Variants in FANCD2 observed in about 807,000 individuals in gnomAD.
FANCD2 encodes FA complementation group D2, also known as Fanconi anemia group D2 protein.
In FANCD2, 131 loss-of-function variants were observed where a neutral mutation model predicts 192.3. That is an observed-to-expected ratio of 0.68 (90% confidence interval 0.59 to 0.79). The LOEUF is 0.79. Ranked by LOEUF, FANCD2 falls within the 30% of genes least tolerant of loss-of-function variation. The pLI, the probability that FANCD2 is intolerant of heterozygous loss-of-function variation, is 0.00. For missense variants in FANCD2, 1,508 were observed against 1,701.6 expected (o/e 0.89, Z 2.00); for synonymous variants, 524 against 612.5 (o/e 0.86, Z 2.13).
intron 9 of FANCD2, chr3:10,040,856 T>G: frequency 4.5e-6 from 1 of 221,680 alleles, no homozygotes; most frequent in South Asian, 5.2e-5. Flanking sequence ...ACCTGCCTGA[T>G]GCCAGCTCAT....
chr3:10,079,801 G>A (rs1384254183), intron 30 of FANCD2, among the ~76,000 whole-genome samples: 5 of 152,332 alleles, frequency 3.3e-5, no homozygotes, highest in South Asian at 2.1e-4. Context: ...CCTAGCATCC[G>A]GGGAAGCAGT....
intron 9 of FANCD2, chr3:10,040,813 T>C (rs1292035836): frequency 3.1e-6 from 1 of 320,746 alleles, no homozygotes; most frequent in African/African-American, 2.2e-5. Flanking sequence ...GGCAGGATGC[T>C]CCTTCTGGGC....
chr3:10,072,419 C>T, intron 26 of FANCD2, among the ~76,000 whole-genome samples: 1 of 151,900 alleles, frequency 6.6e-6, no homozygotes, highest in East Asian at 1.9e-4. Flanking sequence ...GCTGGGATTA[C>T]AGGCGTCTGC....
intron 36 of FANCD2, among the ~76,000 whole-genome samples, chr3:10,089,886 C>T (rs1306192079): frequency 6.6e-6 from 1 of 152,180 alleles, no homozygotes; most frequent in Non-Finnish European, 1.5e-5. Context: ...TTATAAAGCA[C>T]TTTCACTTTA....
chr3:10,039,615 G>T (rs1273227537), intron 8 of FANCD2, 106 bp from the exon 9 acceptor site: 3 of 1,266,858 alleles, frequency 2.4e-6, no homozygotes, highest in East Asian at 2.3e-5. Context: ...AGAGATAAAT[G>T]ACTGTGTTTA....
chr3:10,044,059 C>T (rs2086935954), intron 14 of FANCD2, among the ~76,000 whole-genome samples, 195 bp downstream of exon 14: 1 of 152,194 alleles, frequency 6.6e-6, no homozygotes, highest in Non-Finnish European at 1.5e-5. Flanking sequence ...TGCCCCTACT[C>T]ACTCTGGCTA....
chr3:10,075,997 T>C lies in FANCD2; in HGVS notation c.2859+1324T>C, dbSNP rs190130571. On this transcript the variant is annotated intron_variant, in intron 29 of 43. Transcript: ENST00000675286. ...CCGCCCGCCTTGGCCTCCCAAAGTG[T>C]TGGGATTACAGGTGTGAGCCACTGC... 1.8e-3 allele frequency among the ~76,000 whole-genome samples: 274 copies of C among 151,976 alleles called. 1 individual carries two copies. The highest frequency in any genetic ancestry group is 3.1e-3 in the Non-Finnish European group (208 of 67,936).
intron 17 of FANCD2, among the ~76,000 whole-genome samples, chr3:10,051,363 A>C (rs2087201340): frequency 7.3e-6 from 1 of 136,964 alleles, no homozygotes; most frequent in Admixed American, 7.6e-5. Flanking sequence ...CCTGGGCGAC[A>C]GAGCGAGACT....
At chr3:10,034,324 C>CAAAAA (rs879221957) in intron 3 of FANCD2, 145 bp from the exon 4 acceptor site, 4,210 of 415,122 alleles carry the variant, frequency 0.01, 9 homozygotes, top group South Asian at 0.017. Context: ...AACTCCATCT[C>CAAAAA]AAAAAAAAAA....
intron 26 of FANCD2, 53 bp downstream of exon 26, chr3:10,067,370 A>T: frequency 9.2e-7 from 1 of 1,082,532 alleles, no homozygotes; most frequent in Non-Finnish European, 1.4e-6. Context: ...GTGAGGCAAT[A>T]AAGCACTTAG....
At position 10,088,496 on chromosome 3, in the gene FANCD2, AAAGAG is replaced by A; in HGVS notation, c.3520_3524del (p.Lys1174GlnfsTer4). The A allele has an allele frequency of 6.2e-7, 1 of 1,612,990 alleles. No individual in the cohort carries two copies. The highest frequency in any genetic ancestry group is 1.1e-5 in the South Asian group (1 of 91,050). On this transcript the variant is annotated frameshift_variant, in exon 35 of 44. Coordinates refer to ENST00000675286, the MANE Select transcript of FANCD2 (RefSeq NM_001018115.3). LOFTEE classifies it high-confidence loss of function. ...CTGTCGGGTGTGGCCAAGTGGGGAT[AAAGAG>A]AAGAGCAACATCTCTAATGACCAGC... is the stretch of plus-strand genomic sequence containing the variant.
chr3:10,076,954 T>C (rs543735825), intron 29 of FANCD2, among the ~76,000 whole-genome samples: 132 of 152,220 alleles, frequency 8.7e-4, no homozygotes, highest in African/African-American at 3.0e-3. Context: ...TTTCACCACA[T>C]TGGCCAGGCT....
In FANCD2 at chr3:10,072,985, A is replaced by G; in HGVS notation, c.2605+4A>G. 1.4e-6 allele frequency: 2 copies of G among 1,475,770 alleles called. No homozygotes were observed. The highest frequency in any genetic ancestry group is 1.9e-6 in the Non-Finnish European group (2 of 1,054,032). The allele number at this position is 1,475,770 out of a possible 1,614,324, so 91.4% of individuals were successfully genotyped here. On this transcript the variant is annotated splice_donor_region_variant and intron_variant, in intron 27 of 43. Coordinates refer to ENST00000675286, the MANE Select transcript of FANCD2 (RefSeq NM_001018115.3). ...ATCAGAAAGAAAGGAAAAATAGGTA[A>G]GTATGTTCTTTTCCTCTTGTCTTGT...
intron 6 of FANCD2, among the ~76,000 whole-genome samples, chr3:10,035,647 A>G (rs2086709805): frequency 1.3e-5 from 2 of 152,162 alleles, no homozygotes; most frequent in African/African-American, 2.4e-5. Context: ...AAATATCTCA[A>G]GTTATACAAA....
intron 30 of FANCD2, 85 bp from the exon 31 acceptor site, chr3:10,081,015 G>GGTTTGACTTGA: frequency 6.8e-7 from 1 of 1,475,760 alleles, no homozygotes; most frequent in South Asian, 1.1e-5. Context: ...TGGTGACACA[G>GGTTTGACTTGA]GTTTGACTTG....
At chr3:10,057,451 G>C (rs1447116725) in intron 18 of FANCD2, among the ~76,000 whole-genome samples, 1 of 149,842 alleles carries the variant, frequency 6.7e-6, no homozygotes, top group African/African-American at 2.5e-5. Flanking sequence ...TCCAACCTCC[G>C]CCTCCCAGGT....
At chr3:10,078,904 G>T (rs746537039) in intron 30 of FANCD2, among the ~76,000 whole-genome samples, 2 of 151,708 alleles carry the variant, frequency 1.3e-5, no homozygotes. Flanking sequence ...AGCTGAGATT[G>T]CACCAGTGCA....
intron 41 of FANCD2, chr3:10,095,485 C>G (rs1559408958): frequency 1.7e-6 from 1 of 598,190 alleles, no homozygotes; most frequent in South Asian, 2.0e-5. Flanking sequence ...GATTCAAACT[C>G]CAAAGCTCTT....
At chr3:10,036,426 T>C (rs990847449) in intron 7 of FANCD2, 87 bp downstream of exon 7, 3 of 1,012,084 alleles carry the variant, frequency 3.0e-6, no homozygotes, top group Non-Finnish European at 4.7e-6. Context: ...TATTGGTTTC[T>C]CTGAAAGTCA....
Sources: gnomAD v4.1 joint callset for allele counts (sites outside exome capture counted in the v4.1 genomes callset) on GRCh38, gnomAD v4.1.1 for gene constraint, MANE v1.5 for transcripts, NCBI Gene and HGNC (gene_info 2026-07-23, HGNC 2026-07-21) for gene names.